Variants in CNTNAP2 observed in about 807,000 individuals in gnomAD.
CNTNAP2 encodes contactin associated protein 2.
A neutral mutation model predicts 155.2 loss-of-function variants in CNTNAP2; 98 were observed. The ratio of observed to expected loss-of-function variants is 0.63; its 90% CI spans 0.54 to 0.75. The LOEUF (loss-of-function observed/expected upper bound fraction) is 0.75, where lower values mean the gene tolerates loss of function less well. CNTNAP2 is among the 30% of genes least tolerant of loss of function. The pLI is 0.00. For missense variants in CNTNAP2, 1,727 were observed against 1,688.1 expected (o/e 1.02, Z -0.40); for synonymous variants, 651 against 631.2 (o/e 1.03, Z -0.47).
chr7:147,624,622 G>C lies in CNTNAP2; in HGVS notation c.1898-14484G>C, dbSNP rs572813391. Among the ~76,000 whole-genome samples, 278 of 152,262 alleles carry C rather than the reference G, an allele frequency of 1.8e-3. 1 individual carries two copies. The highest frequency in any genetic ancestry group is 6.4e-3 in the African/African-American group (266 of 41,558). On this transcript the variant is annotated intron_variant, in intron 12 of 23. Coordinates refer to ENST00000361727, the MANE Select transcript of CNTNAP2 (RefSeq NM_014141.6). ...GACAGGCAGTAACAAATGCTGGTGA[G>C]GATATGGGGAACAGGAAATCCTCAT... is the stretch of plus-strand genomic sequence containing the variant.
At chr7:146,482,076 A>G (rs1796967532) in intron 1 of CNTNAP2, among the ~76,000 whole-genome samples, 1 of 152,106 alleles carries the variant, frequency 6.6e-6, no homozygotes, top group Non-Finnish European at 1.5e-5. Context: ...AAAAACATAA[A>G]GAAAAGCAAA....
At chr7:146,509,621 G>A (rs888958734) in intron 1 of CNTNAP2, among the ~76,000 whole-genome samples, 3 of 152,154 alleles carry the variant, frequency 2.0e-5, no homozygotes, top group Non-Finnish European at 4.4e-5. Context: ...CCTCCTCGGT[G>A]TCAGATCGGG....
At chr7:147,852,624 G>A (rs1375980697) in intron 13 of CNTNAP2, among the ~76,000 whole-genome samples, 2 of 152,184 alleles carry the variant, frequency 1.3e-5, no homozygotes, top group South Asian at 2.1e-4. Context: ...TTGCAAGAAT[G>A]TTTGTAATTG....
At chr7:146,858,959 G>C (rs749928404) in intron 3 of CNTNAP2, among the ~76,000 whole-genome samples, 1 of 152,144 alleles carries the variant, frequency 6.6e-6, no homozygotes, top group Non-Finnish European at 1.5e-5. Flanking sequence ...TTGGAGAAAT[G>C]ATAATGTAAG....
chr7:147,459,304 G>T (rs916327914), intron 10 of CNTNAP2, among the ~76,000 whole-genome samples: 6 of 152,116 alleles, frequency 3.9e-5, no homozygotes, highest in African/African-American at 1.4e-4. Flanking sequence ...CTGCTTGAAA[G>T]CTGAGAAAGC....
rs985367968 is a variant in CNTNAP2 at position 148,276,721 on chromosome 7, T to C, written c.3475+9595T>C. On this transcript the variant is annotated intron_variant, in intron 21 of 23. Coordinates refer to ENST00000361727, the MANE Select transcript of CNTNAP2 (RefSeq NM_014141.6). Reference sequence around the variant, plus strand: ...TCAAGGAAGGATGTTTTTTAATCCATAGAATAACGTGATCAGATTGACACT... The same window carrying C: ...TCAAGGAAGGATGTTTTTTAATCCACAGAATAACGTGATCAGATTGACACT... 1.9e-4 allele frequency among the ~76,000 whole-genome samples: 29 copies of C among 152,224 alleles called. 1 individual carries two copies. The highest frequency in any genetic ancestry group is 6.3e-4 in the African/African-American group (26 of 41,456).
At chr7:147,046,849 G>A (rs1276184959) in intron 4 of CNTNAP2, among the ~76,000 whole-genome samples, 1 of 151,856 alleles carries the variant, frequency 6.6e-6, no homozygotes, top group African/African-American at 2.4e-5. Flanking sequence ...ATAACACGGT[G>A]AAACCCCGTC....
chr7:146,213,368 G>T (rs1336360018), intron 1 of CNTNAP2, among the ~76,000 whole-genome samples: 2 of 152,064 alleles, frequency 1.3e-5, no homozygotes, highest in Admixed American at 1.3e-4. Flanking sequence ...TAAATATCAT[G>T]GAAACATTAG....
intron 8 of CNTNAP2, among the ~76,000 whole-genome samples, chr7:147,178,337 G>A (rs1802389157): frequency 6.6e-6 from 1 of 152,160 alleles, no homozygotes; most frequent in Non-Finnish European, 1.5e-5. Context: ...GAAAATGGTG[G>A]CCAAGAGCTA....
intron 1 of CNTNAP2, among the ~76,000 whole-genome samples, chr7:146,305,678 A>G (rs182720727): frequency 1.4e-3 from 220 of 152,314 alleles, no homozygotes; most frequent in Admixed American, 0.013. Context: ...GGCAGAAATA[A>G]AGATGTTCTT....
intron 14 of CNTNAP2, among the ~76,000 whole-genome samples, chr7:147,917,554 A>G (rs182028951): frequency 5.3e-5 from 8 of 152,352 alleles, no homozygotes; most frequent in Admixed American, 5.2e-4. Context: ...TTTCCTTCCA[A>G]GAATGACTTT....
chr7:147,712,290 T>G (rs1796411438), intron 13 of CNTNAP2, among the ~76,000 whole-genome samples: 1 of 152,216 alleles, frequency 6.6e-6, no homozygotes, highest in Non-Finnish European at 1.5e-5. Context: ...ACTTTTACAC[T>G]GTTGGTGGGA....
intron 10 of CNTNAP2, among the ~76,000 whole-genome samples, chr7:147,457,237 G>A (rs1351876219): frequency 2.0e-5 from 3 of 152,146 alleles, no homozygotes; most frequent in Non-Finnish European, 4.4e-5. Context: ...AAGTTGTAAA[G>A]GAGTTCTCTG....
intron 1 of CNTNAP2, among the ~76,000 whole-genome samples, chr7:146,707,795 C>A (rs1317829784): frequency 6.6e-6 from 1 of 152,102 alleles, no homozygotes; most frequent in Non-Finnish European, 1.5e-5. Context: ...GTGTCATTAT[C>A]AAAATAAGAA....
In CNTNAP2 at chr7:147,509,432, G is replaced by A. The variant is rs558939888; in HGVS notation, c.1777+23391G>A. On this transcript the variant is annotated intron_variant, in intron 11 of 23. Coordinates refer to ENST00000361727, the MANE Select transcript of CNTNAP2 (RefSeq NM_014141.6). ...TCCATATATCCAGCCTGACACTCCC[G>A]AAATTACTTACTGGTCTGACTTTTT... Among the ~76,000 whole-genome samples, 7 of 152,256 alleles carry A rather than the reference G, an allele frequency of 4.6e-5. No individual in the cohort carries two copies. In the South Asian group the frequency reaches 6.2e-4, roughly 14 times the overall value.
intron 13 of CNTNAP2, among the ~76,000 whole-genome samples, chr7:147,681,605 T>C (rs1795948585): frequency 6.6e-6 from 1 of 151,884 alleles, no homozygotes; most frequent in Admixed American, 6.6e-5. Context: ...TTAATAAAGG[T>C]TTTCTGAATT....
intron 8 of CNTNAP2, among the ~76,000 whole-genome samples, chr7:147,248,122 G>A (rs978220043): frequency 6.6e-5 from 10 of 152,076 alleles, no homozygotes; most frequent in African/African-American, 2.4e-5. Context: ...TTGGATAACC[G>A]CACACATTGG....
chr7:147,629,353 A>C (rs1225008746), intron 12 of CNTNAP2, among the ~76,000 whole-genome samples: 1 of 151,640 alleles, frequency 6.6e-6, no homozygotes, highest in Non-Finnish European at 1.5e-5. Context: ...CAGTGAGTTG[A>C]GATTGCACCA....
At chr7:148,335,130 G>A (rs577194309) in intron 21 of CNTNAP2, among the ~76,000 whole-genome samples, 4 of 152,122 alleles carry the variant, frequency 2.6e-5, no homozygotes, top group Non-Finnish European at 5.9e-5. Context: ...TAATTAACAC[G>A]GCAGCAAGAC....
Sources: allele counts gnomAD v4.1 joint callset (sites outside exome capture counted in the v4.1 genomes callset), GRCh38; gene constraint gnomAD v4.1.1; transcripts MANE v1.5; gene names NCBI Gene and HGNC (gene_info 2026-07-23, HGNC 2026-07-21).